The following CWC25 variants were observed in gnomAD, a reference collection of about 807,000 sequenced individuals.
The protein encoded by CWC25 is pre-mRNA-splicing factor CWC25 homolog.
Under a neutral mutation model 54.6 loss-of-function variants are expected in CWC25, and 31 were observed. The ratio of observed to expected loss-of-function variants is 0.57; its 90% CI spans 0.43 to 0.77. The LOEUF (loss-of-function observed/expected upper bound fraction) is 0.77, where lower values mean the gene tolerates loss of function less well. Among genes scored for constraint, CWC25 ranks in the 30% least tolerant of loss-of-function variants. CWC25 has a pLI of 0.00. For missense variants in CWC25, 453 were observed against 529.3 expected (o/e 0.86, Z 1.41); for synonymous variants, 151 against 187.0 (o/e 0.81, Z 1.57).
At chr17:38,823,985 A>G (rs1912034538) in intron 1 of CWC25, among the ~76,000 whole-genome samples, 1 of 152,198 alleles carries the variant, frequency 6.6e-6, no homozygotes. Flanking sequence ...GCTAATGTTG[A>G]GAAACCCTGG....
At chr17:38,812,152 G>A (rs1358757969) in intron 4 of CWC25, among the ~76,000 whole-genome samples, 9 of 151,886 alleles carry the variant, frequency 5.9e-5, no homozygotes, top group African/African-American at 1.9e-4. Context: ...GGTCAGGCTG[G>A]TCTCAAACTC....
intron 5 of CWC25, chr17:38,810,238 G>A: frequency 1.9e-6 from 1 of 537,048 alleles, no homozygotes; most frequent in Non-Finnish European, 3.2e-6. Flanking sequence ...CATTATTAAG[G>A]GTCTCTCTCC....
rs1420215011 is a variant in CWC25 at position 38,815,108 on chromosome 17, G to A, written c.192-11C>T. On this transcript the variant is annotated splice_polypyrimidine_tract_variant and intron_variant, in intron 2 of 9. Transcript: ENST00000614790. ...TTTTCTTCTTTTTTCCTGGTTCAAG[G>A]GAAGAAAAAGAAATACAATTTCTTT... 2 of 1,602,542 alleles carry A rather than the reference G, an allele frequency of 1.2e-6. No individual in the cohort carries two copies. Among genetic ancestry groups the A allele is most frequent in the African/African-American group, 1.3e-5 (1 of 74,182 alleles).
chr17:38,817,572 A>G (rs1911752779), intron 2 of CWC25, among the ~76,000 whole-genome samples: 1 of 151,932 alleles, frequency 6.6e-6, no homozygotes, highest in Non-Finnish European at 1.5e-5. Context: ...GCGGATCACA[A>G]GGTCAAGAGA....
chr17:38,822,682 A>T (rs1598079681), intron 1 of CWC25, among the ~76,000 whole-genome samples: 1 of 152,114 alleles, frequency 6.6e-6, no homozygotes, highest in African/African-American at 2.4e-5. Flanking sequence ...AGTACAGACA[A>T]GTGCAGTCCT....
At position 38,806,803 on chromosome 17, in the gene CWC25, G is replaced by A. The variant is rs755549925; in HGVS notation, c.864C>T (p.Ser288=). Residue 288 remains serine, a synonymous_variant, in exon 7 of 10, where the codon TCC becomes TCT. Transcript: ENST00000614790. The part of the protein sequence containing the change: ...EAGSRDRRSR[S]LGRRSRSPRP... ...TTGGGGACCGTGACCTTCTGCCCAG[G>A]GATCGAGACCTCCTGTCCCGGGACC... 5.0e-6 allele frequency: 8 copies of A among 1,609,356 alleles called. No homozygotes were observed. The highest frequency in any genetic ancestry group is 6.8e-6 in the Non-Finnish European group (8 of 1,178,320).
rs1462518569 is a variant in CWC25, at chr17:38,806,782, G to C, written c.885C>G (p.Ser295=). The stretch of plus-strand genomic sequence containing the variant: ...ACACTCACAGTTTGCTGGGTCTTGG[G>C]GACCGTGACCTTCTGCCCAGGGATC... ...RSRSLGRRSR[S]PRPSKLHNSK... Residue 295 remains serine, a synonymous_variant, in exon 7 of 10, where the codon TCC becomes TCG. Coordinates refer to ENST00000614790, the MANE Select transcript of CWC25 (RefSeq NM_017748.5). 1 of 1,598,414 alleles carries C rather than the reference G, an allele frequency of 6.3e-7. No homozygotes were observed. The highest frequency in any genetic ancestry group is 1.3e-5 in the African/African-American group (1 of 74,262).
rs1395297983 is a variant in CWC25, at chr17:38,815,692, C to T, written c.192-595G>A. 52 of 1,287,848 alleles carry T rather than the reference C, an allele frequency of 4.0e-5. No homozygotes were observed. The African/African-American group carries it at 5.0e-4, about 12-fold the overall frequency. 79.8% of individuals were successfully genotyped at this position (1,287,848 alleles called of 1,614,324 possible). A position where few individuals can be genotyped will look rare whatever the true frequency, so the allele number is the denominator to read the frequency against. ...GTGTGGATCTTGGCTCAGAGCTTCT[C>T]GAGTCTCCTTTACAGAGTCTTTATA... On this transcript the variant is annotated intron_variant, in intron 2 of 9. Coordinates refer to ENST00000614790, the MANE Select transcript of CWC25 (RefSeq NM_017748.5).
At chr17:38,821,796 T>C (rs1333963526) in intron 1 of CWC25, among the ~76,000 whole-genome samples, 1 of 151,236 alleles carries the variant, frequency 6.6e-6, no homozygotes, top group Non-Finnish European at 1.5e-5. Flanking sequence ...TTTTTTTTTT[T>C]TAAAGTCTTA....
intron 1 of CWC25, among the ~76,000 whole-genome samples, chr17:38,824,659 C>G (rs1164243124): frequency 6.7e-6 from 1 of 149,984 alleles, no homozygotes; most frequent in Non-Finnish European, 1.5e-5. Flanking sequence ...GCACTCCAGC[C>G]TGGGCAACAA....
At chr17:38,817,730 T>G (rs915062403) in intron 2 of CWC25, among the ~76,000 whole-genome samples, 48 of 151,838 alleles carry the variant, frequency 3.2e-4, no homozygotes, top group Admixed American at 9.2e-4. Context: ...GAGGTTACAG[T>G]GAGCCGAGAT....
intron 5 of CWC25, 24 bp downstream of exon 5, chr17:38,810,444 G>T: frequency 6.6e-7 from 1 of 1,522,906 alleles, no homozygotes. Flanking sequence ...CAACGAGAAG[G>T]GAGGCCAGTC....
chr17:38,808,946 C>CAA (rs71138657), intron 6 of CWC25, among the ~76,000 whole-genome samples: 27 of 107,988 alleles, frequency 2.5e-4, no homozygotes, highest in Admixed American at 3.9e-4. Context: ...AACTCCACCT[C>CAA]AAAAAAAAAA....
At chr17:38,807,454 C>G (rs1273912196) in intron 6 of CWC25, among the ~76,000 whole-genome samples, 1 of 141,090 alleles carries the variant, frequency 7.1e-6, no homozygotes, top group Non-Finnish European at 1.6e-5. Flanking sequence ...GCAGAATCCC[C>G]TAAAAGAATC....
intron 1 of CWC25, 88 bp from the exon 2 acceptor site, chr17:38,821,161 C>G (rs752327775): frequency 2.0e-5 from 27 of 1,370,464 alleles, no homozygotes; most frequent in Non-Finnish European, 2.7e-5. Flanking sequence ...CCCTTCCATA[C>G]CCAAGGCAGG....
intron 6 of CWC25, among the ~76,000 whole-genome samples, chr17:38,808,592 C>A (rs965676232): frequency 3.6e-5 from 5 of 139,318 alleles, no homozygotes; most frequent in Non-Finnish European, 7.9e-5. Flanking sequence ...ACCAGCCTGA[C>A]GAACATGGAG....
intron 4 of CWC25, among the ~76,000 whole-genome samples, chr17:38,811,406 G>A (rs545993088): frequency 2.0e-5 from 3 of 151,698 alleles, no homozygotes; most frequent in Admixed American, 6.6e-5. Context: ...GGTAGCAGGC[G>A]CCTGTAGTCC....
intron 1 of CWC25, among the ~76,000 whole-genome samples, chr17:38,823,469 TAAA>T (rs1220000846): frequency 1.4e-5 from 2 of 139,828 alleles, no homozygotes; most frequent in Non-Finnish European, 1.6e-5. Context: ...GACTCCATCT[TAAA>T]AAAAAAAAAA....
chr17:38,815,734 A>G, intron 2 of CWC25: 1 of 1,237,488 alleles, frequency 8.1e-7, no homozygotes, highest in Non-Finnish European at 1.0e-6. Flanking sequence ...TTTCATTTCC[A>G]AGATGACCTA....
Sources: allele counts gnomAD v4.1 joint callset (sites outside exome capture counted in the v4.1 genomes callset), GRCh38; gene constraint gnomAD v4.1.1; transcripts MANE v1.5; gene names NCBI Gene and HGNC (gene_info 2026-07-23, HGNC 2026-07-21).